The following TACC2 variants were observed in gnomAD, a reference collection of about 807,000 sequenced individuals.
TACC2 encodes the protein transforming acidic coiled-coil containing protein 2, also known as transforming acidic coiled-coil-containing protein 2.
TACC2 carries 137 observed loss-of-function variants against 227.3 expected under a neutral mutation model. The ratio of observed to expected loss-of-function variants is 0.60; its 90% CI spans 0.52 to 0.69. The LOEUF is 0.69. TACC2 is among the 30% of genes least tolerant of loss of function. The pLI is 0.00. For synonymous variants in TACC2, 1,523 were observed against 1,487.5 expected, an observed-to-expected ratio of 1.02 and a Z score of -0.55; for missense variants, 3,470 against 3,694.4, an observed-to-expected ratio of 0.94 and a Z score of 1.57.
chr10:122,229,639 A>T (rs1294664198), intron 15 of TACC2, among the ~76,000 whole-genome samples, 153 bp downstream of exon 15: 1 of 152,172 alleles, frequency 6.6e-6, no homozygotes, highest in Non-Finnish European at 1.5e-5. Context: ...GGTATATGTG[A>T]CGTTCTTTCC....
At chr10:122,047,051 G>A (rs1303713371) in intron 2 of TACC2, among the ~76,000 whole-genome samples, 1 of 151,750 alleles carries the variant, frequency 6.6e-6, no homozygotes, top group Non-Finnish European at 1.5e-5. Flanking sequence ...AGCACTTTGG[G>A]AGGCTGAGGC....
chr10:122,102,250 T>G (rs1195766938), intron 5 of TACC2, among the ~76,000 whole-genome samples: 2 of 152,170 alleles, frequency 1.3e-5, no homozygotes, highest in Admixed American at 6.5e-5. Context: ...GTTTAATGGA[T>G]ATGCGGGTGT....
At position 122,164,097 on chromosome 10, in the gene TACC2, G is replaced by C. The variant is rs2093001665; in HGVS notation, c.5834+20391G>C. 1.2e-5 allele frequency: 17 copies of C among 1,388,356 alleles called. No homozygotes were observed. In the South Asian group the frequency reaches 2.2e-4, roughly 18 times the overall value. The allele number at this position is 1,388,356 out of a possible 1,614,324, so 86.0% of individuals were successfully genotyped here. On this transcript the variant is annotated intron_variant, in intron 7 of 22. Transcript: ENST00000369005. ...TAATGCCTGTGCAACCTGGAGCCCA[G>C]GCTGGCCTGGGGTTCTTCGCAGCCT...
rs1002922694 is a variant in TACC2 at position 122,205,656 on chromosome 10, C to G, written c.5972-4741C>G. On this transcript the variant is annotated intron_variant, in intron 8 of 22. Coordinates refer to ENST00000369005, the MANE Select transcript of TACC2 (RefSeq NM_206862.4). This position sits in a 1 kb window ranked among gnomAD's most constrained non-coding sequence, Gnocchi z 4.5. ...GGAGGCGCACCTGTGGCACCTGTTA[C>G]GATGGGGGCCCTGAGCCCCCACCCC... Among the ~76,000 whole-genome samples, 2 of 152,210 alleles carry G rather than the reference C, an allele frequency of 1.3e-5. No individual in the cohort carries two copies. The highest frequency in any genetic ancestry group is 2.4e-5 in the African/African-American group (1 of 41,454).
chr10:122,118,692 G>A (rs1447407875), intron 5 of TACC2, among the ~76,000 whole-genome samples: 1 of 152,156 alleles, frequency 6.6e-6, no homozygotes, highest in African/African-American at 2.4e-5. Context: ...AAGATGCTGA[G>A]GACTGAGTGA....
chr10:121,994,913 T>A (rs1953241807), intron 1 of TACC2, among the ~76,000 whole-genome samples: 1 of 152,240 alleles, frequency 6.6e-6, no homozygotes, highest in South Asian at 2.1e-4. Context: ...TGGTTACTTT[T>A]GATAGACTAT....
intron 12 of TACC2, among the ~76,000 whole-genome samples, chr10:122,225,596 T>C (rs2095611677): frequency 6.6e-6 from 1 of 152,204 alleles, no homozygotes; most frequent in African/African-American, 2.4e-5. Context: ...GCTGAGGCCA[T>C]ATACATAATA....
intron 3 of TACC2, among the ~76,000 whole-genome samples, chr10:122,080,225 GTTTTT>G (rs57690157): frequency 7.9e-6 from 1 of 127,232 alleles, no homozygotes; most frequent in Non-Finnish European, 1.7e-5. Flanking sequence ...TTTTTTTTTT[GTTTTT>G]TTTTTGTGTT....
chr10:122,244,170 C>A (rs1310940357), intron 19 of TACC2, among the ~76,000 whole-genome samples: 2 of 152,188 alleles, frequency 1.3e-5, no homozygotes, highest in African/African-American at 4.8e-5. Flanking sequence ...CACATCACCC[C>A]CCATCCCCAC....
intron 14 of TACC2, 139 bp downstream of exon 14, chr10:122,228,147 A>G (rs1214271052): frequency 3.6e-6 from 3 of 836,682 alleles, no homozygotes; most frequent in Non-Finnish European, 1.8e-6. Flanking sequence ...CTGACCACAG[A>G]AGCCAACCTG....
At chr10:122,200,807 G>A (rs112787878) in intron 8 of TACC2, among the ~76,000 whole-genome samples, 4 of 85,478 alleles carry the variant, frequency 4.7e-5, no homozygotes, top group African/African-American at 5.0e-5. Flanking sequence ...GGAGGACGGC[G>A]ACCTCACCTG....
chr10:122,137,107 A>G (rs2089828296), intron 6 of TACC2, among the ~76,000 whole-genome samples: 1 of 151,988 alleles, frequency 6.6e-6, no homozygotes, highest in African/African-American at 2.4e-5. Flanking sequence ...TCTATTGTTA[A>G]TGCCACTGGA....
At chr10:122,163,611 C>A (rs954451639) in intron 7 of TACC2, 3 of 1,016,364 alleles carry the variant, frequency 3.0e-6, no homozygotes, top group Non-Finnish European at 2.4e-6. Context: ...AAGAGAAGAG[C>A]CTTTCGGACC....
At chr10:122,135,754 G>C (rs2089491883) in intron 6 of TACC2, among the ~76,000 whole-genome samples, 1 of 152,218 alleles carries the variant, frequency 6.6e-6, no homozygotes, top group Non-Finnish European at 1.5e-5. Context: ...GTCATTTGCA[G>C]ACATGTGCAG....
intron 2 of TACC2, among the ~76,000 whole-genome samples, chr10:122,031,530 G>A (rs1176765510): frequency 2.7e-5 from 4 of 147,510 alleles, no homozygotes; most frequent in East Asian, 2.1e-4. Context: ...TCAGCCTCCC[G>A]AGTAGCTGGG....
intron 8 of TACC2, among the ~76,000 whole-genome samples, chr10:122,197,284 T>G (rs1209920267): frequency 1.3e-5 from 2 of 152,100 alleles, no homozygotes; most frequent in Non-Finnish European, 2.9e-5. Context: ...AAACAAATGT[T>G]TAGAAGAAAA....
rs112883235 is a variant in TACC2, at chr10:122,236,257, T to C, written c.8128-1138T>C. 5.3e-5 allele frequency among the ~76,000 whole-genome samples: 8 copies of C among 152,286 alleles called. 2 individuals carry two copies. The highest frequency in any genetic ancestry group is 1.9e-4 in the African/African-American group (8 of 41,564). On this transcript the variant is annotated intron_variant, in intron 16 of 22. Coordinates refer to ENST00000369005, the MANE Select transcript of TACC2 (RefSeq NM_206862.4). The stretch of plus-strand genomic sequence containing the variant: ...CCTGCTGTCCTTGATAAGCCCTCAT[T>C]ATTCTTTCCCCAAATCTCTCTCTCT...
At position 122,084,262 on chromosome 10, in the gene TACC2, G is replaced by A. The variant is rs768402028; in HGVS notation, c.1762G>A (p.Gly588Ser). ...GGAGGAAGCCCCAGAGCCACCTGAT[G>A]GTGGAGACCCAGGGAACCTGCAAGG... ...GKEEAPEPPD[G>S]GDPGNLQGED... Residue 588 changes from glycine (G) to serine (S), a missense_variant, in exon 4 of 23, where the codon GGT (glycine) becomes AGT (serine). Around this residue, in one of 10 missense-constraint regions of TACC2, gnomAD observed 1,924 missense variants for 1,978.3 expected, o/e 0.97. Transcript: ENST00000369005. The A allele has an allele frequency of 6.2e-7, 1 of 1,613,924 alleles. No individual in the cohort carries two copies. The highest frequency in any genetic ancestry group is 1.1e-5 in the South Asian group (1 of 91,088).
intron 22 of TACC2, 73 bp from the exon 23 acceptor site, chr10:122,253,918 C>A: frequency 7.4e-7 from 1 of 1,353,294 alleles, no homozygotes; most frequent in South Asian, 1.2e-5. Context: ...CCCATCTCCC[C>A]AAAAAGCCCC....
Sources: allele counts gnomAD v4.1 joint callset (sites outside exome capture counted in the v4.1 genomes callset), GRCh38; gene constraint gnomAD v4.1.1; regional missense constraint gnomAD v4.1.1; non-coding constraint Gnocchi (gnomAD v3.1); transcripts MANE v1.5; gene names NCBI Gene and HGNC (gene_info 2026-07-23, HGNC 2026-07-21).